Variants in CNTNAP2 observed in about 807,000 individuals in gnomAD.
The protein encoded by CNTNAP2 is contactin associated protein 2.
In CNTNAP2, 98 loss-of-function variants were observed where a neutral mutation model predicts 155.2. That is an observed-to-expected ratio of 0.63 (90% CI 0.54 to 0.75). The LOEUF is 0.75. CNTNAP2 is among the 30% of genes least tolerant of loss of function. The pLI, the probability that CNTNAP2 is intolerant of heterozygous loss-of-function variation, is 0.00. For missense variants in CNTNAP2, 1,727 were observed against 1,688.1 expected (o/e 1.02, Z -0.40); for synonymous variants, 651 against 631.2 (o/e 1.03, Z -0.47).
intron 1 of CNTNAP2, among the ~76,000 whole-genome samples, chr7:146,166,921 A>G (rs1268984237): frequency 5.3e-5 from 8 of 152,206 alleles, no homozygotes; most frequent in African/African-American, 1.9e-4. Context: ...GTAAGAAATT[A>G]AAAAAGAAGT....
chr7:147,016,062 C>G (rs894077236), intron 3 of CNTNAP2, among the ~76,000 whole-genome samples: 1 of 152,014 alleles, frequency 6.6e-6, no homozygotes, highest in Non-Finnish European at 1.5e-5. Flanking sequence ...TGTGCTCACC[C>G]CTTTGGGAAC....
At chr7:148,155,969 C>T (rs7805475) in intron 17 of CNTNAP2, among the ~76,000 whole-genome samples, 3 of 152,160 alleles carry the variant, frequency 2.0e-5, no homozygotes, top group Non-Finnish European at 2.9e-5. Flanking sequence ...GCAGGCCCCA[C>T]GTGCAATACC....
At chr7:148,298,393 G>A (rs570860955) in intron 21 of CNTNAP2, among the ~76,000 whole-genome samples, 9 of 152,268 alleles carry the variant, frequency 5.9e-5, no homozygotes, top group African/African-American at 1.7e-4. Flanking sequence ...GGCAACGGGA[G>A]GGCAGAGCAT....
chr7:146,708,887 CA>C (rs1015449256), intron 1 of CNTNAP2, among the ~76,000 whole-genome samples: 5 of 149,950 alleles, frequency 3.3e-5, no homozygotes, highest in Non-Finnish European at 4.4e-5. Flanking sequence ...TGCGCCTGGC[CA>C]AAAAAAAGTG....
rs79876641 is a variant in CNTNAP2 at position 147,205,146 on chromosome 7, T to C, written c.1348+72637T>C. Among the ~76,000 whole-genome samples the C allele has an allele frequency of 3.3e-5, 5 of 152,230 alleles. No homozygotes were observed. In the East Asian group the frequency reaches 9.6e-4, roughly 29 times the overall value. On this transcript the variant is annotated intron_variant, in intron 8 of 23. Coordinates refer to ENST00000361727, the MANE Select transcript of CNTNAP2 (RefSeq NM_014141.6). ...AAAGTTTTTGGGTTACATGAATGAA[T>C]TGGATAGTGATAGTCTGATATTTTA...
intron 4 of CNTNAP2, among the ~76,000 whole-genome samples, chr7:147,101,639 C>T (rs972482508): frequency 2.6e-5 from 4 of 152,052 alleles, no homozygotes; most frequent in East Asian, 3.9e-4. Flanking sequence ...TGGCTCTCAG[C>T]GGGATGGATG....
chr7:147,104,307 T>A (rs955042378), intron 4 of CNTNAP2, among the ~76,000 whole-genome samples: 1 of 152,022 alleles, frequency 6.6e-6, no homozygotes, highest in Non-Finnish European at 1.5e-5. Context: ...CATTTTTAGC[T>A]AATCAAAATC....
chr7:146,483,278 AAAAAATATATATATATAT>A (rs1796993925), intron 1 of CNTNAP2, among the ~76,000 whole-genome samples: 1 of 57,444 alleles, frequency 1.7e-5, no homozygotes, highest in South Asian at 5.6e-4. Context: ...TCCGTCTAAA[AAAAAATATATATATATAT>A]ATATATATAT....
intron 8 of CNTNAP2, among the ~76,000 whole-genome samples, chr7:147,212,497 A>T (rs1803171307): frequency 6.6e-6 from 1 of 152,168 alleles, no homozygotes; most frequent in Non-Finnish European, 1.5e-5. Context: ...AGAAAACCAA[A>T]TACCCTATGT....
chr7:147,249,755 A>G (rs960993602), intron 8 of CNTNAP2, among the ~76,000 whole-genome samples: 2 of 152,108 alleles, frequency 1.3e-5, no homozygotes, highest in African/African-American at 4.8e-5. Flanking sequence ...TAATTGATTG[A>G]GTCCAGTTGT....
chr7:146,134,132 C>A (rs1266971094), intron 1 of CNTNAP2, among the ~76,000 whole-genome samples: 2 of 151,430 alleles, frequency 1.3e-5, no homozygotes, highest in Non-Finnish European at 2.9e-5. Context: ...TCCTTCACAT[C>A]CCTTGTAAGT....
intron 1 of CNTNAP2, among the ~76,000 whole-genome samples, chr7:146,657,743 T>C (rs1275380526): frequency 6.6e-6 from 1 of 152,144 alleles, no homozygotes; most frequent in Non-Finnish European, 1.5e-5. Context: ...ATGAACCATA[T>C]ATCCATTGTA....
Position 146,686,792 on chromosome 7 carries a change from C to T in CNTNAP2, c.98-87479C>T, listed in dbSNP as rs1011420473. Reference sequence around the variant, plus strand: ...AGTTTTATAATGGCATATACAATTTCTATACACTACTTTAAAATGGAGTCA... The same window carrying T: ...AGTTTTATAATGGCATATACAATTTTTATACACTACTTTAAAATGGAGTCA... On this transcript the variant is annotated intron_variant, in intron 1 of 23. Coordinates refer to ENST00000361727, the MANE Select transcript of CNTNAP2 (RefSeq NM_014141.6). Among the ~76,000 whole-genome samples, 3 of 152,088 alleles carry T rather than the reference C, an allele frequency of 2.0e-5. No individual in the cohort carries two copies. In the East Asian group the frequency reaches 5.8e-4, roughly 29 times the overall value.
intron 1 of CNTNAP2, among the ~76,000 whole-genome samples, chr7:146,159,439 G>A (rs775557397): frequency 3.9e-5 from 6 of 152,160 alleles, no homozygotes; most frequent in Non-Finnish European, 8.8e-5. Flanking sequence ...AAAAGACACA[G>A]ACTGGCAAAT....
At chr7:147,410,047 T>A (rs1269147899) in intron 10 of CNTNAP2, among the ~76,000 whole-genome samples, 1 of 152,214 alleles carries the variant, frequency 6.6e-6, no homozygotes, top group Non-Finnish European at 1.5e-5. Flanking sequence ...GCCATCCCAT[T>A]ACTGGGTATG....
At chr7:147,290,390 A>T (rs1399139207) in intron 8 of CNTNAP2, among the ~76,000 whole-genome samples, 1 of 152,140 alleles carries the variant, frequency 6.6e-6, no homozygotes, top group Non-Finnish European at 1.5e-5. Flanking sequence ...AGTATAAAAA[A>T]TATGACACTG....
intron 13 of CNTNAP2, among the ~76,000 whole-genome samples, chr7:147,782,998 C>T (rs1456970778): frequency 6.6e-6 from 1 of 152,172 alleles, no homozygotes; most frequent in Non-Finnish European, 1.5e-5. Context: ...GCAGTATCTT[C>T]TTATCTCTAA....
At chr7:146,120,631 C>A (rs1407156774) in intron 1 of CNTNAP2, among the ~76,000 whole-genome samples, 5 of 152,066 alleles carry the variant, frequency 3.3e-5, no homozygotes, top group African/African-American at 4.8e-5. Context: ...CAATGATGGA[C>A]CACGTGTATG....
chr7:146,942,316 T>G (rs1160692780), intron 3 of CNTNAP2, among the ~76,000 whole-genome samples: 1 of 152,066 alleles, frequency 6.6e-6, no homozygotes. Flanking sequence ...AAAAACCAAC[T>G]TTACTCACTT....
Sources: gnomAD v4.1 joint callset for allele counts (sites outside exome capture counted in the v4.1 genomes callset) on GRCh38, gnomAD v4.1.1 for gene constraint, MANE v1.5 for transcripts, NCBI Gene and HGNC (gene_info 2026-07-23, HGNC 2026-07-21) for gene names.